Variants in ZFHX3 observed in about 807,000 individuals in gnomAD.
ZFHX3 encodes the protein zinc finger homeobox 3.
In ZFHX3, 42 loss-of-function variants were observed where a neutral mutation model predicts 279.1. The observed-to-expected ratio is 0.15, with a 90% confidence interval of 0.12 to 0.19. ZFHX3 has a LOEUF of 0.19. Ranked by LOEUF, ZFHX3 falls within the 10% of genes least tolerant of loss-of-function variation. The pLI is 1.00. For synonymous variants in ZFHX3, 2,293 were observed against 1,957.8 expected, an observed-to-expected ratio of 1.17 and a Z score of -4.52; for missense variants, 4,981 against 4,754.0, an observed-to-expected ratio of 1.05 and a Z score of -1.40.
intron 3 of ZFHX3, chr16:73,421,402 G>A (rs2017716323): frequency 6.6e-6 from 1 of 152,182 alleles, no homozygotes; most frequent in Admixed American, 6.5e-5. Flanking sequence ...CCACATTAAG[G>A]TGTGATTTGT....
At chr16:73,399,747 G>C (rs1423659745) in intron 3 of ZFHX3, among the ~76,000 whole-genome samples, 1 of 151,962 alleles carries the variant, frequency 6.6e-6, no homozygotes. Flanking sequence ...CCCTAATTAT[G>C]ATTTTCAGAA....
chr16:72,921,473 C>T (rs72795120), intron 3 of ZFHX3, among the ~76,000 whole-genome samples: 2,082 of 152,268 alleles, frequency 0.014, 23 homozygotes, highest in Middle Eastern at 0.051. Flanking sequence ...GAGGACTGAA[C>T]GGGGATTTGG....
At chr16:73,858,604 G>A (rs576426618) in intron 1 of ZFHX3, among the ~76,000 whole-genome samples, 2 of 152,308 alleles carry the variant, frequency 1.3e-5, no homozygotes, top group Admixed American at 6.5e-5. Flanking sequence ...TGTTCACAGT[G>A]TCTTGTAAAT....
chr16:73,878,372 T>C (rs547320115), intron 1 of ZFHX3, among the ~76,000 whole-genome samples: 1 of 152,232 alleles, frequency 6.6e-6, no homozygotes, highest in South Asian at 2.1e-4. Flanking sequence ...GCAAAGTTTG[T>C]TAGGGGTTCA....
At chr16:73,766,805 G>T (rs2053950326) in intron 1 of ZFHX3, among the ~76,000 whole-genome samples, 1 of 152,056 alleles carries the variant, frequency 6.6e-6, no homozygotes, top group East Asian at 1.9e-4. Flanking sequence ...ACTAAAGGAA[G>T]CTCATGGAAA....
At chr16:72,966,745 G>T (rs915585509) in intron 1 of ZFHX3, among the ~76,000 whole-genome samples, 2 of 152,232 alleles carry the variant, frequency 1.3e-5, no homozygotes, top group African/African-American at 2.4e-5. Flanking sequence ...CCTGCCACAG[G>T]CAAGTGGGTT....
chr16:73,310,602 A>G (rs998306370), intron 4 of ZFHX3, among the ~76,000 whole-genome samples: 2 of 152,148 alleles, frequency 1.3e-5, no homozygotes, highest in East Asian at 1.9e-4. Context: ...GAGGCAAAAT[A>G]TGCTATAGTA....
chr16:73,296,235 G>A (rs1305567816), intron 4 of ZFHX3, among the ~76,000 whole-genome samples: 1 of 152,154 alleles, frequency 6.6e-6, no homozygotes, highest in Non-Finnish European at 1.5e-5. Context: ...GCATAAAAAT[G>A]TCCAAACTCT....
At chr16:73,830,262 C>A (rs946145515) in intron 1 of ZFHX3, among the ~76,000 whole-genome samples, 3 of 143,202 alleles carry the variant, frequency 2.1e-5, no homozygotes, top group East Asian at 4.2e-4. Context: ...CCTGCTTCGG[C>A]TCGCGCACGG....
chr16:73,237,383 C>T (rs751152830), intron 5 of ZFHX3, among the ~76,000 whole-genome samples: 3 of 152,094 alleles, frequency 2.0e-5, no homozygotes, highest in Non-Finnish European at 4.4e-5. Flanking sequence ...GTAGCTGGGA[C>T]TACAGGTGCA....
chr16:73,116,771 C>T (rs1311647459), intron 7 of ZFHX3, among the ~76,000 whole-genome samples: 1 of 152,152 alleles, frequency 6.6e-6, no homozygotes, highest in Non-Finnish European at 1.5e-5. Context: ...AGTCCTAACC[C>T]TGGGTACTGC....
chr16:72,957,557 T>C lies in ZFHX3; in HGVS notation c.2589A>G (p.Gln863=), dbSNP rs1381289062. The change falls in exon 2 of 10, where the codon CAA becomes CAG. Residue 863 remains glutamine (Q), a synonymous_variant. Transcript: ENST00000268489. Reference sequence around the variant, plus strand: ...GGTTCATGTTCTGGGCCAGGTAGTATTGGTAGAGCTCGGCCTCGGCGGGTG... The same window carrying C: ...GGTTCATGTTCTGGGCCAGGTAGTACTGGTAGAGCTCGGCCTCGGCGGGTG... ...LPSPAEAELY[Q]YYLAQNMNLP... is the part of the protein sequence containing the mutation. 7 of 1,614,124 alleles carry C rather than the reference T, an allele frequency of 4.3e-6. No individual in the cohort carries two copies. In the East Asian group the frequency reaches 8.9e-5, roughly 21 times the overall value.
At chr16:73,605,150 T>C (rs79172075) in intron 2 of ZFHX3, among the ~76,000 whole-genome samples, 3,194 of 152,214 alleles carry the variant, frequency 0.021, 45 homozygotes, top group Non-Finnish European at 0.034. Context: ...CATCTACCGG[T>C]GGCGGACGTG....
At chr16:73,207,004 C>T (rs572721958) in intron 5 of ZFHX3, among the ~76,000 whole-genome samples, 17 of 144,590 alleles carry the variant, frequency 1.2e-4, no homozygotes, top group South Asian at 6.8e-4. Flanking sequence ...GGTGACAGAG[C>T]GAGAATCCAT....
chr16:73,598,310 G>A (rs8058406), intron 2 of ZFHX3, among the ~76,000 whole-genome samples: 30,628 of 151,994 alleles, frequency 0.2, 4,536 homozygotes, highest in African/African-American at 0.42. Context: ...GTTTAGCTAG[G>A]TCAAGCCATA....
chr16:73,366,718 A>ATG (rs112954802), intron 3 of ZFHX3, among the ~76,000 whole-genome samples: 74 of 151,778 alleles, frequency 4.9e-4, no homozygotes, highest in Admixed American at 9.8e-4. Flanking sequence ...GTGCACATGC[A>ATG]TGTGTGTGTG....
intron 2 of ZFHX3, among the ~76,000 whole-genome samples, chr16:73,494,414 G>C (rs747349524): frequency 5.9e-5 from 9 of 152,114 alleles, no homozygotes; most frequent in Non-Finnish European, 1.3e-4. Context: ...CTATTTTCTA[G>C]GTTGAATCAA....
chr16:73,193,491 G>T (rs187876603), intron 5 of ZFHX3, among the ~76,000 whole-genome samples: 1 of 152,204 alleles, frequency 6.6e-6, no homozygotes, highest in Non-Finnish European at 1.5e-5. Context: ...CAAGGAACAT[G>T]TTGACAGTTT....
intron 1 of ZFHX3, among the ~76,000 whole-genome samples, chr16:73,885,004 C>T (rs1404168334): frequency 6.6e-6 from 1 of 152,068 alleles, no homozygotes; most frequent in Admixed American, 6.6e-5. Flanking sequence ...CAATGCTTTT[C>T]GCTTTAAATT....
Sources: allele counts gnomAD v4.1 joint callset (sites outside exome capture counted in the v4.1 genomes callset), GRCh38; gene constraint gnomAD v4.1.1; transcripts MANE v1.5; gene names NCBI Gene and HGNC (gene_info 2026-07-23, HGNC 2026-07-21).